The following ARHGEF10L variants were observed in gnomAD, a reference collection of about 807,000 sequenced individuals.
ARHGEF10L encodes rho guanine nucleotide exchange factor 10-like protein.
Under a neutral mutation model 141.2 loss-of-function variants are expected in ARHGEF10L, and 69 were observed. The ratio of observed to expected loss-of-function variants is 0.49; its 90% CI spans 0.40 to 0.60. The LOEUF (loss-of-function observed/expected upper bound fraction) is 0.60, where lower values mean the gene tolerates loss of function less well. ARHGEF10L is among the 20% of genes least tolerant of loss of function. The probability of loss-of-function intolerance (pLI) is 0.00; values close to 1 mark genes in which losing one functional copy is unlikely to be tolerated. For synonymous variants in ARHGEF10L, 711 were observed against 718.5 expected (o/e 0.99, Z 0.17); for missense variants, 1,482 against 1,734.3 (o/e 0.85, Z 2.58).
chr1:17,597,049 T>A (rs1184258047), intron 4 of ARHGEF10L, among the ~76,000 whole-genome samples: 1 of 152,226 alleles, frequency 6.6e-6, no homozygotes, highest in East Asian at 1.9e-4. Flanking sequence ...TGAACTCCTC[T>A]GCCGGCAATG....
intron 5 of ARHGEF10L, among the ~76,000 whole-genome samples, chr1:17,602,727 G>A (rs1331436833): frequency 6.6e-6 from 1 of 152,168 alleles, no homozygotes; most frequent in Admixed American, 6.5e-5. Context: ...TGCGGGCCCT[G>A]CAGCTCCTCA....
At position 17,654,593 on chromosome 1, in the gene ARHGEF10L, A is replaced by G. The variant is rs769576391; in HGVS notation, c.2395-43A>G. On this transcript the variant is annotated intron_variant, in intron 22 of 28. Transcript: ENST00000361221. This position sits in a 1 kb window ranked among gnomAD's most constrained non-coding sequence, Gnocchi z 4.3. ...ATCTGCCAAATATTGGCATCTGGGC[A>G]CCTTGATGATTAACCTCACATGTAC... 2.6e-6 allele frequency: 4 copies of G among 1,558,758 alleles called. No homozygotes were observed. The highest frequency in any genetic ancestry group is 3.5e-6 in the Non-Finnish European group (4 of 1,129,610).
intron 27 of ARHGEF10L, chr1:17,689,990 T>C (rs2064976680): frequency 2.8e-6 from 1 of 361,146 alleles, no homozygotes; most frequent in Non-Finnish European, 5.5e-6. Flanking sequence ...GCAGTTACCC[T>C]TTAAGGAAGG....
At chr1:17,543,614 T>C (rs1409597071) in intron 1 of ARHGEF10L, among the ~76,000 whole-genome samples, 1 of 152,000 alleles carries the variant, frequency 6.6e-6, no homozygotes, top group African/African-American at 2.4e-5. Context: ...AGTGTATACA[T>C]TCATCATTAA....
chr1:17,632,706 G>C (rs1171539928), intron 16 of ARHGEF10L, among the ~76,000 whole-genome samples: 10 of 152,224 alleles, frequency 6.6e-5, no homozygotes, highest in Non-Finnish European at 1.2e-4. Context: ...CCATGGTACA[G>C]AGTTGTTTGT....
At chr1:17,628,974 A>G (rs2060530422) in intron 15 of ARHGEF10L, among the ~76,000 whole-genome samples, 1 of 152,130 alleles carries the variant, frequency 6.6e-6, no homozygotes, top group Non-Finnish European at 1.5e-5. Context: ...TTCAGGCCAA[A>G]TTCAGGTTGC....
intron 1 of ARHGEF10L, among the ~76,000 whole-genome samples, chr1:17,580,253 C>T (rs1400626067): frequency 6.6e-6 from 1 of 152,204 alleles, no homozygotes; most frequent in Non-Finnish European, 1.5e-5. Context: ...CCAGATTTCA[C>T]CTGTAAGCCA....
intron 4 of ARHGEF10L, among the ~76,000 whole-genome samples, 179 bp from the exon 5 acceptor site, chr1:17,601,948 G>A (rs780183552): frequency 3.9e-5 from 6 of 152,156 alleles, no homozygotes; most frequent in Non-Finnish European, 8.8e-5. Flanking sequence ...CCTTATGCAC[G>A]CCTTCTAAAG....
intron 1 of ARHGEF10L, among the ~76,000 whole-genome samples, chr1:17,555,096 G>A (rs865773788): frequency 2.0e-5 from 3 of 152,178 alleles, no homozygotes; most frequent in Admixed American, 6.5e-5. Flanking sequence ...GGCAAGGCAC[G>A]TTACTCCTCT....
chr1:17,541,026 G>A (rs2076708262), intron 1 of ARHGEF10L, among the ~76,000 whole-genome samples: 1 of 152,146 alleles, frequency 6.6e-6, no homozygotes, highest in Non-Finnish European at 1.5e-5. Context: ...CTGTGGGCTG[G>A]GGACTGCCCT....
At chr1:17,532,934 G>A in the ARHGEF10L span, among the ~76,000 whole-genome samples, 1 of 152,230 alleles carries the variant, frequency 6.6e-6, no homozygotes, top group Admixed American at 6.5e-5. Flanking sequence ...ATACAGGAAG[G>A]CTAAAGCACG....
intron 1 of ARHGEF10L, among the ~76,000 whole-genome samples, chr1:17,571,192 G>A (rs964731817): frequency 1.3e-5 from 2 of 152,116 alleles, no homozygotes; most frequent in African/African-American, 4.8e-5. Context: ...CAACCTGGAG[G>A]GAGGAAGGAG....
At position 17,625,887 on chromosome 1, in the gene ARHGEF10L, G is replaced by A. The variant is rs2060355159; in HGVS notation, c.1318-69G>A. ...GAGAGGAGCCCAGAATGGGGACAGT[G>A]TCTGGACTCTGGGGCACTGGGCCCT... On this transcript the variant is annotated intron_variant, in intron 13 of 28. Transcript: ENST00000361221. The surrounding 1 kb of genome is among the most constrained non-coding windows in gnomAD (Gnocchi z 4.5). The A allele has an allele frequency of 2.9e-6, 4 of 1,387,892 alleles. No homozygotes were observed. Among genetic ancestry groups the A allele is most frequent in the Non-Finnish European group, 2.0e-6 (2 of 980,932 alleles). 86.0% of individuals were successfully genotyped at this position (1,387,892 alleles called of 1,614,324 possible). A position where few individuals can be genotyped will look rare whatever the true frequency, so the allele number is the denominator to read the frequency against.
rs147248995 is a variant in ARHGEF10L, at chr1:17,629,927, T to G, written c.1585-2394T>G. Reference sequence around the variant, plus strand: ...GAGGAGGAAATAAATTCCGTAGTGGTTGGGAAGAGCCGTTCTGCCCTCTCC... The same window carrying G: ...GAGGAGGAAATAAATTCCGTAGTGGGTGGGAAGAGCCGTTCTGCCCTCTCC... On this transcript the variant is annotated intron_variant, in intron 15 of 28. Coordinates refer to ENST00000361221, the MANE Select transcript of ARHGEF10L (RefSeq NM_018125.4). 6.1e-3 allele frequency among the ~76,000 whole-genome samples: 933 copies of G among 152,218 alleles called. 12 individuals are homozygous for G. Among genetic ancestry groups the G allele is most frequent in the African/African-American group, 0.021 (884 of 41,540 alleles).
the ARHGEF10L span, among the ~76,000 whole-genome samples, chr1:17,515,625 CTCTTTTTGCTTT>C: frequency 6.6e-6 from 1 of 151,868 alleles, no homozygotes; most frequent in Non-Finnish European, 1.5e-5. Context: ...TTCTTTTCTT[CTCTTTTTGCTTT>C]TCTTTTTTTC....
chr1:17,634,519 C>T (rs772482303), intron 16 of ARHGEF10L, 29 bp from the exon 17 acceptor site: 2 of 1,614,202 alleles, frequency 1.2e-6, no homozygotes, highest in East Asian at 2.2e-5. Context: ...TAATAACAAT[C>T]TCCCTTTCCT....
At chr1:17,624,277 C>A (rs935307637) in intron 12 of ARHGEF10L, 110 bp from the exon 13 acceptor site, 1 of 792,988 alleles carries the variant, frequency 1.3e-6, no homozygotes, top group Admixed American at 1.7e-5. Context: ...TGAGTGCAGG[C>A]GCCCTTCTGC....
intron 1 of ARHGEF10L, among the ~76,000 whole-genome samples, chr1:17,543,135 T>A (rs1307616958): frequency 6.6e-6 from 1 of 152,216 alleles, no homozygotes; most frequent in Non-Finnish European, 1.5e-5. Flanking sequence ...TTCAGGACCC[T>A]GGTCTGATGA....
chr1:17,531,123 G>A, the ARHGEF10L span, among the ~76,000 whole-genome samples: 7 of 152,242 alleles, frequency 4.6e-5, no homozygotes, highest in African/African-American at 1.4e-4. Flanking sequence ...TATGGTAAAT[G>A]TAAATAGATG....
Sources: gnomAD v4.1 joint callset for allele counts (sites outside exome capture counted in the v4.1 genomes callset) on GRCh38, gnomAD v4.1.1 for gene constraint, Gnocchi (gnomAD v3.1) non-coding constraint, MANE v1.5 for transcripts, NCBI Gene and HGNC (gene_info 2026-07-23, HGNC 2026-07-21) for gene names.